The following PIGT variants were observed in gnomAD, a reference collection of about 807,000 sequenced individuals.
PIGT encodes the protein phosphatidylinositol glycan anchor biosynthesis class T, also known as GPI-anchor transamidase component PIGT.
A neutral mutation model predicts 66.7 loss-of-function variants in PIGT; 57 were observed. The observed-to-expected ratio is 0.86, with a 90% confidence interval of 0.69 to 1.07. The LOEUF (loss-of-function observed/expected upper bound fraction) is 1.07. Ranked by LOEUF, PIGT falls within the 50% of genes least tolerant of loss-of-function variation. The pLI, the probability that PIGT is intolerant of heterozygous loss-of-function variation, is 0.00. For synonymous variants in PIGT, 362 were observed against 320.5 expected (o/e 1.13, Z -1.38); for missense variants, 725 against 740.4 (o/e 0.98, Z 0.24).
intron 9 of PIGT, chr20:45,422,206 C>T (rs1350317697): frequency 1.3e-5 from 2 of 152,026 alleles, no homozygotes; most frequent in African/African-American, 2.4e-5. Context: ...TCCCAAACGG[C>T]CAAACTTAAA....
Position 45,416,546 on chromosome 20 carries a change from C to T in PIGT, c.217C>T (p.Leu73=), listed in dbSNP as rs765035657. Residue 73 remains leucine, a synonymous_variant, in exon 2 of 12, where the codon CTG becomes TTG. Transcript: ENST00000279036. The stretch of plus-strand genomic sequence containing the variant: ...CCATTACAGGCTCTTTCCCAAAGCC[C>T]TGGGGCAGCTGATCTCCAAGTATTC... The part of the protein sequence containing the change: ...VSHYRLFPKA[L]GQLISKYSLR... 9 of 1,614,196 alleles carry T rather than the reference C, an allele frequency of 5.6e-6. No homozygotes were observed. The highest frequency in any genetic ancestry group is 3.3e-5 in the South Asian group (3 of 91,072).
chr20:45,425,861 C>T lies in PIGT; in HGVS notation c.*35C>T, dbSNP rs774290477. 1.1e-5 allele frequency: 18 copies of T among 1,601,714 alleles called. 1 individual carries two copies. The South Asian group carries it at 1.9e-4, about 17-fold the overall frequency. On this transcript the variant is annotated 3_prime_UTR_variant, in exon 12 of 12. Transcript: ENST00000279036. ...TTTCCAGCAGCTGCAGCTGCCGTTTCTCTCTGGGGAGGGGAGCCCAAGGGC... is the reference window on the plus strand; with the variant it reads ...TTTCCAGCAGCTGCAGCTGCCGTTTTTCTCTGGGGAGGGGAGCCCAAGGGC...
intron 11 of PIGT, 144 bp from the exon 12 acceptor site, chr20:45,425,430 G>T: frequency 5.6e-5 from 26 of 466,930 alleles, no homozygotes; most frequent in East Asian, 1.3e-4. Flanking sequence ...TTTAGAGATT[G>T]AGCTATGCCT....
chr20:45,424,630 C>T (rs1990597470), intron 11 of PIGT, 51 bp downstream of exon 11: 2 of 1,458,400 alleles, frequency 1.4e-6, no homozygotes, highest in Non-Finnish European at 1.9e-6. Context: ...CCTGCTGGGC[C>T]TTAACACAGG....
In PIGT at chr20:45,416,208, G is replaced by A; in HGVS notation, c.52G>A (p.Gly18Ser). 1 of 1,592,500 alleles carries A rather than the reference G, an allele frequency of 6.3e-7. No homozygotes were observed. Among genetic ancestry groups the A allele is most frequent in the African/African-American group, 1.3e-5 (1 of 74,472 alleles). The change falls in exon 1 of 12, where the codon GGC becomes AGC. Residue 18 changes from glycine (G) to serine (S), a missense_variant. Around this residue, in one of 3 missense-constraint regions of PIGT, gnomAD observed 559 missense variants for 552.7 expected, o/e 1.01. Transcript: ENST00000279036. The part of the protein sequence containing the change: ...ALLVLLLLGP[G>S]GWCLAEPPRD... The stretch of plus-strand genomic sequence containing the variant: ...GCTCGTCCTGTTGCTCCTGGGGCCC[G>A]GCGGCTGGTGCCTTGCAGAACCCCC...
In PIGT at chr20:45,416,168, T is replaced by C. The variant is rs371353348; in HGVS notation, c.12T>C (p.Ala4=). Residue 4 remains alanine (A), a synonymous_variant, in exon 1 of 12, where the codon GCT becomes GCC. Coordinates refer to ENST00000279036, the MANE Select transcript of PIGT (RefSeq NM_015937.6). MAA[A]MPLALLVLLL... ...AAGTAGCCGCAGGCATGGCGGCGGC[T>C]ATGCCGCTTGCTCTGCTCGTCCTGT... The C allele has an allele frequency of 2.9e-4, 456 of 1,568,838 alleles. 6 individuals are homozygous for C. The African/African-American group carries it at 5.3e-3, about 18-fold the overall frequency.
At chr20:45,420,306 G>T (rs191780806) in intron 6 of PIGT, 26 bp from the exon 7 acceptor site, 12 of 1,603,520 alleles carry the variant, frequency 7.5e-6, no homozygotes, top group African/African-American at 1.3e-5. Flanking sequence ...CCTGGCCCCT[G>T]CTCAGCCCTG....
chr20:45,425,700 C>T lies in PIGT; in HGVS notation c.1611C>T (p.Ala537=), dbSNP rs776275053. The part of the protein sequence containing the change: ...NVICLTCTVV[A]VCYGSFYNLL... ...TCTGCCTCACGTGCACTGTGGTGGC[C>T]GTGTGCTATGGCTCCTTCTACAATC... The change falls in exon 12 of 12, where the codon GCC becomes GCT. Residue 537 remains alanine (A), a synonymous_variant. Transcript: ENST00000279036. The T allele has an allele frequency of 2.3e-5, 37 of 1,614,008 alleles. 1 individual carries two copies. In the Middle Eastern group the frequency reaches 8.2e-4, roughly 36 times the overall value.
chr20:45,416,438 T>TTCCTGGGTAGAGTTCGGGA, intron 1 of PIGT, 79 bp from the exon 2 acceptor site: 2 of 1,568,796 alleles, frequency 1.3e-6, no homozygotes, highest in South Asian at 1.2e-5. Context: ...CGGGGCCTAA[T>TTCCTGGGTAGAGTTCGGGA]TCCTGGGTAG....
At chr20:45,422,316 A>G (rs1256667852) in intron 9 of PIGT, 1 of 152,062 alleles carries the variant, frequency 6.6e-6, no homozygotes, top group African/African-American at 2.4e-5. Flanking sequence ...CAAAATCTCT[A>G]TTTCAGACAT....
chr20:45,421,626 C>T (rs745871702), intron 9 of PIGT, 43 bp downstream of exon 9: 1 of 1,536,202 alleles, frequency 6.5e-7, no homozygotes, highest in Non-Finnish European at 9.0e-7. Context: ...CCCGCCCTCT[C>T]ATGTCCTCTC....
Position 45,420,356 on chromosome 20 carries a change from C to A in PIGT, c.794C>A (p.Ser265Tyr). 1 of 1,613,446 alleles carries A rather than the reference C, an allele frequency of 6.2e-7. No homozygotes were observed. The highest frequency in any genetic ancestry group is 1.1e-5 in the South Asian group (1 of 90,924). ...GACTGGTCCCTCTTCCGGATGTTCTCCCGAACCCTCACGGAGCCCTGCCCC... is the reference window on the plus strand; with the variant it reads ...GACTGGTCCCTCTTCCGGATGTTCTACCGAACCCTCACGGAGCCCTGCCCC... ...KKDWSLFRMF[S>Y]RTLTEPCPLA... Residue 265 changes from serine (S) to tyrosine (Y), a missense_variant, in exon 7 of 12, where the codon TCC becomes TAC. Ser to Tyr is a moderately radical substitution (Grantham distance 144). Coordinates refer to ENST00000279036, the MANE Select transcript of PIGT (RefSeq NM_015937.6).
In PIGT at chr20:45,420,412, A is replaced by G; in HGVS notation, c.850A>G (p.Ile284Val). 1 of 1,613,536 alleles carries G rather than the reference A, an allele frequency of 6.2e-7. No individual in the cohort carries two copies. The part of the protein sequence containing the change: ...LASESRVYVD[I>V]TTYNQDNETL... ...TTCAGAGAGCCGAGTCTATGTGGAC[A>G]TCACCACCTACAACCAGGTAACAAG... Residue 284 changes from isoleucine to valine, a missense_variant, in exon 7 of 12, where the codon ATC (isoleucine) becomes GTC (valine). Coordinates refer to ENST00000279036, the MANE Select transcript of PIGT (RefSeq NM_015937.6).
chr20:45,425,535 G>A (rs2741563), intron 11 of PIGT, 39 bp from the exon 12 acceptor site: 1 of 1,598,372 alleles, frequency 6.3e-7, no homozygotes, highest in Non-Finnish European at 8.5e-7. Context: ...ATGGGGAGGA[G>A]CAGCCAGTCC....
Position 45,420,668 on chromosome 20 carries a change from C to T in PIGT, c.1008C>T (p.Leu336=). The change falls in exon 8 of 12, where the codon CTC becomes CTT. Residue 336 remains leucine (L), a synonymous_variant. Transcript: ENST00000279036. ...ACTCTCGAAACCTCAACATCCAGCT[C>T]AAGTGGAAGAGACCCCCAGAGAATG... The part of the protein sequence containing the change: ...INNSRNLNIQ[L]KWKRPPENEA... The T allele has an allele frequency of 1.2e-6, 2 of 1,613,962 alleles. No homozygotes were observed. The highest frequency in any genetic ancestry group is 1.7e-6 in the Non-Finnish European group (2 of 1,180,002).
chr20:45,426,078 G>T lies in PIGT; in HGVS notation c.*252G>T. The T allele has an allele frequency of 3.6e-6, 2 of 560,320 alleles. No individual in the cohort carries two copies. The highest frequency in any genetic ancestry group is 6.4e-6 in the Non-Finnish European group (2 of 313,836). The allele number at this position is 560,320 out of a possible 1,614,324, so 34.7% of individuals were successfully genotyped here. On this transcript the variant is annotated 3_prime_UTR_variant, in exon 12 of 12. Coordinates refer to ENST00000279036, the MANE Select transcript of PIGT (RefSeq NM_015937.6). Reference sequence around the variant, plus strand: ...ATATTGAGGTGCTCAATAAGCAAAAGTGGTCGGTGGCTGCTGTATTGGACA... The same window carrying T: ...ATATTGAGGTGCTCAATAAGCAAAATTGGTCGGTGGCTGCTGTATTGGACA...
intron 9 of PIGT, 88 bp downstream of exon 9, chr20:45,421,671 C>G (rs1290305565): frequency 9.6e-7 from 1 of 1,043,964 alleles, no homozygotes; most frequent in Non-Finnish European, 1.4e-6. Flanking sequence ...CAGGGTAGTT[C>G]CTGAAGTACC....
chr20:45,423,703 C>CT (rs3091447), intron 9 of PIGT: 69 of 130,292 alleles, frequency 5.3e-4, no homozygotes, highest in East Asian at 2.7e-3. Flanking sequence ...GTGCCCATGC[C>CT]TTTTTTTTTT....
chr20:45,416,986 G>A, intron 2 of PIGT: 1 of 273,092 alleles, frequency 3.7e-6, no homozygotes, highest in Admixed American at 5.3e-5. Context: ...CCTTTTAAAA[G>A]GCATTCATTA....
Sources: gnomAD v4.1 joint callset for allele counts on GRCh38, gnomAD v4.1.1 for gene constraint, gnomAD v4.1.1 regional missense constraint, MANE v1.5 for transcripts, NCBI Gene and HGNC (gene_info 2026-07-23, HGNC 2026-07-21) for gene names.